Variants in GASK1B observed in about 807,000 individuals in gnomAD.
GASK1B encodes golgi associated kinase 1B.
GASK1B carries 34 observed loss-of-function variants against 42.8 expected under a neutral mutation model. The observed-to-expected ratio is 0.79, with a 90% CI of 0.60 to 1.06. GASK1B has a LOEUF of 1.06. Ranked by LOEUF, GASK1B falls within the 50% of genes least tolerant of loss-of-function variation. GASK1B has a pLI of 0.00. For missense variants in GASK1B, 686 were observed against 661.0 expected, an observed-to-expected ratio of 1.04 and a Z score of -0.42; for synonymous variants, 262 against 259.1, an observed-to-expected ratio of 1.01 and a Z score of -0.11.
intron 4 of GASK1B, among the ~76,000 whole-genome samples, chr4:158,128,508 C>T (rs886482377): frequency 4.6e-5 from 7 of 152,182 alleles, no homozygotes; most frequent in African/African-American, 7.2e-5. Context: ...CACTAAAATG[C>T]TGATAAAAGC....
In GASK1B at chr4:158,127,115, C is replaced by CT; in HGVS notation, c.*291dup. 4.4e-6 allele frequency: 1 copy of CT among 228,062 alleles called. No homozygotes were observed. The highest frequency in any genetic ancestry group is 8.5e-6 in the Non-Finnish European group (1 of 117,096). The allele number at this position is 228,062 out of a possible 1,614,324, so 14.1% of individuals were successfully genotyped here. A position where few individuals can be genotyped will look rare whatever the true frequency, so the allele number is the denominator to read the frequency against. ...AACAGCATGACAAATGTTTTCAAAACTTAGCTAGAATAATAACTGAAATTT... is the reference window on the plus strand; with the variant it reads ...AACAGCATGACAAATGTTTTCAAAACTTTAGCTAGAATAATAACTGAAATTT... On this transcript the variant is annotated 3_prime_UTR_variant, in exon 5 of 5. Transcript: ENST00000585682.
In GASK1B at chr4:158,170,811, G is replaced by A. The variant is rs200249290; in HGVS notation, c.565C>T (p.Arg189Ter). ...TGCAGGAAGTCTGGGCCCCCGGCTC[G>A]CACTCCCGGACCCCGCACCAACCTC... is the stretch of plus-strand genomic sequence containing the variant. ...PWRLVRGPGV[R>*]AGGPDFLQPS... is the part of the protein sequence containing the mutation. The change falls in exon 2 of 5, where the codon CGA becomes TGA. Residue 189 changes from arginine (R) to a stop codon, truncating the protein, a stop_gained. Transcript: ENST00000585682. LOFTEE classifies it high-confidence loss of function. 3.1e-6 allele frequency: 5 copies of A among 1,614,144 alleles called. No individual in the cohort carries two copies. The highest frequency in any genetic ancestry group is 3.4e-6 in the Non-Finnish European group (4 of 1,180,010).
At chr4:158,164,853 G>C (rs1732164582) in intron 2 of GASK1B, among the ~76,000 whole-genome samples, 1 of 152,200 alleles carries the variant, frequency 6.6e-6, no homozygotes, top group Non-Finnish European at 1.5e-5. Context: ...TCACAGTGCT[G>C]CTCACATAGG....
intron 4 of GASK1B, among the ~76,000 whole-genome samples, chr4:158,128,222 T>A (rs1443810226): frequency 6.6e-6 from 1 of 152,156 alleles, no homozygotes; most frequent in Non-Finnish European, 1.5e-5. Flanking sequence ...ATCATTTTAT[T>A]TAGCTAGAGT....
chr4:158,147,704 CA>C (rs1731386520), intron 3 of GASK1B, among the ~76,000 whole-genome samples: 1 of 149,888 alleles, frequency 6.7e-6, no homozygotes, highest in South Asian at 2.1e-4. Flanking sequence ...TTATTAAAAA[CA>C]AGTAAAACTC....
intron 3 of GASK1B, among the ~76,000 whole-genome samples, chr4:158,141,477 A>C (rs1458124343): frequency 2.6e-5 from 4 of 151,736 alleles, no homozygotes; most frequent in African/African-American, 9.7e-5. Flanking sequence ...AGTTGCCTTC[A>C]TGAAAAAATG....
Position 158,124,716 on chromosome 4 carries a change from C to T in GASK1B, c.*2691G>A, listed in dbSNP as rs1359075729. 2.6e-5 allele frequency: 4 copies of T among 152,244 alleles called. No homozygotes were observed. The highest frequency in any genetic ancestry group is 2.6e-4 in the Admixed American group (4 of 15,280). 9.4% of individuals were successfully genotyped at this position (152,244 alleles called of 1,614,324 possible). On this transcript the variant is annotated 3_prime_UTR_variant, in exon 5 of 5. Transcript: ENST00000585682. ...AATGATGATATCAAATATATGCACA[C>T]ACAAACACAATCCAACAAAATTCTT...
intron 2 of GASK1B, chr4:158,169,322 G>A (rs1214306294): frequency 6.6e-6 from 1 of 152,236 alleles, no homozygotes; most frequent in Non-Finnish European, 1.5e-5. Context: ...AAGCATACCT[G>A]TGAATCTGGA....
rs1430009468 is a variant in GASK1B at position 158,173,017 on chromosome 4, T to G, written c.-374A>C. The G allele has an allele frequency of 6.6e-6, 1 of 152,104 alleles. No individual in the cohort carries two copies. Among genetic ancestry groups the G allele is most frequent in the African/African-American group, 2.4e-5 (1 of 41,408 alleles). The allele number at this position is 152,104 out of a possible 1,614,324, so 9.4% of individuals were successfully genotyped here. On this transcript the variant is annotated 5_prime_UTR_variant, in exon 1 of 5. Transcript: ENST00000585682. ...AGTACACACAGATAAGGAAAGACATTTATAGTGTGCAATTGCACGGTGCAA... is the reference window on the plus strand; with the variant it reads ...AGTACACACAGATAAGGAAAGACATGTATAGTGTGCAATTGCACGGTGCAA...
intron 3 of GASK1B, among the ~76,000 whole-genome samples, chr4:158,154,371 G>T (rs182371338): frequency 1.3e-5 from 2 of 152,106 alleles, no homozygotes; most frequent in African/African-American, 2.4e-5. Flanking sequence ...AGATGTTGGC[G>T]TGGATGTGGT....
At chr4:158,128,302 G>T (rs1730539257) in intron 4 of GASK1B, among the ~76,000 whole-genome samples, 1 of 152,114 alleles carries the variant, frequency 6.6e-6, no homozygotes, top group Admixed American at 6.5e-5. Flanking sequence ...CACAATGAAA[G>T]TCTCTCTGGA....
intron 2 of GASK1B, among the ~76,000 whole-genome samples, chr4:158,165,874 A>T (rs1043016452): frequency 2.0e-5 from 3 of 152,198 alleles, no homozygotes; most frequent in African/African-American, 4.8e-5. Flanking sequence ...AATATCTGCT[A>T]TGTAAAATTG....
intron 2 of GASK1B, among the ~76,000 whole-genome samples, chr4:158,165,245 C>T (rs1052156437): frequency 2.6e-5 from 4 of 152,182 alleles, no homozygotes; most frequent in South Asian, 2.1e-4. Flanking sequence ...GATCACAGAA[C>T]GGTGCTTGGT....
At chr4:158,144,059 C>T (rs1260581488) in intron 3 of GASK1B, among the ~76,000 whole-genome samples, 1 of 152,066 alleles carries the variant, frequency 6.6e-6, no homozygotes, top group Non-Finnish European at 1.5e-5. Context: ...AAAAATGTTC[C>T]TTGATATCAT....
At chr4:158,141,964 G>C (rs1488786441) in intron 3 of GASK1B, among the ~76,000 whole-genome samples, 1 of 68,324 alleles carries the variant, frequency 1.5e-5, no homozygotes, top group African/African-American at 5.6e-5. Context: ...TTGAGACGGA[G>C]TCTCGCTCTG....
At chr4:158,160,301 G>A (rs904543867) in intron 2 of GASK1B, among the ~76,000 whole-genome samples, 1 of 152,114 alleles carries the variant, frequency 6.6e-6, no homozygotes, top group Non-Finnish European at 1.5e-5. Context: ...AGTAGGTGGG[G>A]AGGTAGGAGT....
At chr4:158,157,654 G>T (rs1027112209) in intron 2 of GASK1B, among the ~76,000 whole-genome samples, 1 of 152,044 alleles carries the variant, frequency 6.6e-6, no homozygotes, top group Non-Finnish European at 1.5e-5. Context: ...CATGCTCAGG[G>T]CTAGAAAGTA....
chr4:158,161,163 A>C (rs1731981517), intron 2 of GASK1B, among the ~76,000 whole-genome samples: 1 of 152,190 alleles, frequency 6.6e-6, no homozygotes, highest in African/African-American at 2.4e-5. Context: ...AAATTAGTTA[A>C]AATTTAAATT....
At position 158,155,693 on chromosome 4, in the gene GASK1B, C is replaced by T. The variant is rs772473242; in HGVS notation, c.1043G>A (p.Arg348Gln). 35 of 1,613,852 alleles carry T rather than the reference C, an allele frequency of 2.2e-5. No homozygotes were observed. In the South Asian group the frequency reaches 2.5e-4, roughly 12 times the overall value. ...ACAACCCGATTCAGGCTTGGGTACT[C>T]GGCCATTCTGCCAGCATTTCTGTTT... is the stretch of plus-strand genomic sequence containing the variant. Reference protein sequence around the residue: ...LLKQKCWQNGRVPKPESGCTE... With the variant: ...LLKQKCWQNGQVPKPESGCTE... Residue 348 changes from arginine to glutamine, a missense_variant, in exon 3 of 5, where the codon CGA (arginine) becomes CAA (glutamine). By Grantham distance (43) the Arg-to-Gln change is conservative (BLOSUM62 1). Coordinates refer to ENST00000585682, the MANE Select transcript of GASK1B (RefSeq NM_001128424.2).
Sources: gnomAD v4.1 joint callset for allele counts (sites outside exome capture counted in the v4.1 genomes callset) on GRCh38, gnomAD v4.1.1 for gene constraint, MANE v1.5 for transcripts, NCBI Gene and HGNC (gene_info 2026-07-23, HGNC 2026-07-21) for gene names.